OSTM1: variants seen among roughly 807,000 people sequenced by gnomAD.
OSTM1 encodes the protein osteopetrosis-associated transmembrane protein 1.
OSTM1 carries 26 observed loss-of-function variants against 35.4 expected under a neutral mutation model. The observed-to-expected ratio is 0.73, with a 90% CI of 0.54 to 1.02. The LOEUF (loss-of-function observed/expected upper bound fraction) is 1.02, where lower values mean the gene tolerates loss of function less well. OSTM1 is among the 50% of genes least tolerant of loss of function. OSTM1 has a pLI of 0.00. For missense variants in OSTM1, 366 were observed against 409.6 expected (o/e 0.89, Z 0.92); for synonymous variants, 181 against 165.0 (o/e 1.10, Z -0.75).
In OSTM1 at chr6:108,049,352, G is replaced by A. The variant is rs1235602665; in HGVS notation, c.850C>T (p.Pro284Ser). The A allele has an allele frequency of 1.2e-6, 2 of 1,612,096 alleles. No individual in the cohort carries two copies. Among genetic ancestry groups the A allele is most frequent in the Non-Finnish European group, 1.7e-6 (2 of 1,178,340 alleles). ...ATGAACACAGAAACAGCAATTACAG[G>A]CACTGTGTCACTGCAAGGGACTGAA... ...NCSVPCSDTV[P>S]VIAVSVFILF... The change falls in exon 5 of 6, where the codon CCT becomes TCT. Residue 284 changes from proline to serine, a missense_variant. Around this residue, in one of 3 missense-constraint regions of OSTM1, gnomAD observed 125 missense variants for 151.7 expected, o/e 0.82. Transcript: ENST00000193322.
At chr6:108,054,667 C>T (rs1398083165) in intron 2 of OSTM1, 80 bp from the exon 3 acceptor site, 2 of 685,654 alleles carry the variant, frequency 2.9e-6, no homozygotes, top group Non-Finnish European at 5.2e-6. Context: ...AAGCTATCAG[C>T]TTCGTTTCAC....
At chr6:108,071,005 G>A (rs1477724331) in intron 1 of OSTM1, among the ~76,000 whole-genome samples, 4 of 147,662 alleles carry the variant, frequency 2.7e-5, no homozygotes, top group African/African-American at 1.0e-4. Context: ...TGGCTAACAC[G>A]GTGAAACCCC....
At chr6:108,072,615 C>T (rs550643283) in intron 1 of OSTM1, among the ~76,000 whole-genome samples, 1 of 122,600 alleles carries the variant, frequency 8.2e-6, no homozygotes, top group African/African-American at 3.1e-5. Flanking sequence ...CCAGCCTGGG[C>T]AACAGAGCAA....
In OSTM1 at chr6:108,046,168, ATTTTTTTT is replaced by A. The variant is rs750495431; in HGVS notation, c.950-1336_950-1329del. ...AGGTGCCCACCACCACGCCCAGCTA[ATTTTTTTT>A]TTTTTTTTTTTTTTTTGGTATTTTT... is the stretch of plus-strand genomic sequence containing the variant. On this transcript the variant is annotated intron_variant, in intron 5 of 5. Coordinates refer to ENST00000193322, the MANE Select transcript of OSTM1 (RefSeq NM_014028.4). Among the ~76,000 whole-genome samples, 273 of 93,454 alleles carry A rather than the reference ATTTTTTTT, an allele frequency of 2.9e-3. 1 individual carries two copies. Among genetic ancestry groups the A allele is most frequent in the Non-Finnish European group, 4.3e-3 (227 of 52,218 alleles). The allele number at this position is 93,454 out of a possible 152,430, so 61.3% of individuals were successfully genotyped here.
intron 1 of OSTM1, 99 bp downstream of exon 1, chr6:108,074,149 TAC>T: frequency 8.5e-7 from 1 of 1,181,956 alleles, no homozygotes; most frequent in Admixed American, 2.0e-5. Context: ...CCCTTTTTCT[TAC>T]TGTTGGGGAA....
chr6:108,049,150 TA>T, intron 5 of OSTM1, 102 bp downstream of exon 5: 1 of 750,548 alleles, frequency 1.3e-6, no homozygotes, highest in Non-Finnish European at 2.3e-6. Flanking sequence ...CCTTTTAGGC[TA>T]ATCTACTTTG....
rs899181959 is a variant in OSTM1, at chr6:108,042,654, G to A, written c.*2131C>T. The A allele has an allele frequency of 6.6e-6, 1 of 151,934 alleles. No homozygotes were observed. The highest frequency in any genetic ancestry group is 2.4e-5 in the African/African-American group (1 of 41,364). The allele number at this position is 151,934 out of a possible 1,614,324, so 9.4% of individuals were successfully genotyped here. ...TGGTCTCGAACTCATAAGCTCCAGC[G>A]ATCTGCTTCAGCCTCCCAAAGTGCT... is the stretch of plus-strand genomic sequence containing the variant. On this transcript the variant is annotated 3_prime_UTR_variant, in exon 6 of 6. Transcript: ENST00000193322.
In OSTM1 at chr6:108,041,444, TAAAG is replaced by T. The variant is rs1467310185; in HGVS notation, c.*3337_*3340del. ...AAAGCCCTCTTTAATTCCAAGGAGA[TAAAG>T]AAAGTTATTTGTCATTAAACATGTT... On this transcript the variant is annotated 3_prime_UTR_variant, in exon 6 of 6. Coordinates refer to ENST00000193322, the MANE Select transcript of OSTM1 (RefSeq NM_014028.4). 8.5e-5 allele frequency: 13 copies of T among 152,312 alleles called. No homozygotes were observed. Among genetic ancestry groups the T allele is most frequent in the African/African-American group, 2.4e-4 (10 of 41,570 alleles). 9.4% of individuals were successfully genotyped at this position (152,312 alleles called of 1,614,324 possible). A position where few individuals can be genotyped will look rare whatever the true frequency, so the allele number is the denominator to read the frequency against.
intron 2 of OSTM1, among the ~76,000 whole-genome samples, chr6:108,063,232 C>T (rs959835724): frequency 6.6e-6 from 1 of 152,080 alleles, no homozygotes; most frequent in African/African-American, 2.4e-5. Context: ...GTTCCCCAGG[C>T]TGGTCTCAAA....
intron 2 of OSTM1, among the ~76,000 whole-genome samples, chr6:108,059,213 C>T (rs1032140156): frequency 1.3e-5 from 2 of 152,202 alleles, no homozygotes; most frequent in African/African-American, 4.8e-5. Context: ...ACAAGGCTAT[C>T]CCTATGTCAA....
intron 2 of OSTM1, among the ~76,000 whole-genome samples, chr6:108,058,165 A>G (rs1448758924): frequency 6.6e-6 from 1 of 151,054 alleles, no homozygotes; most frequent in Non-Finnish European, 1.5e-5. Flanking sequence ...AGGCATTCTT[A>G]AAGGTATTAA....
rs1211539994 is a variant in OSTM1, at chr6:108,064,203, G to A, written c.499C>T (p.Gln167Ter). Residue 167 changes from glutamine to a stop codon, truncating the protein, a stop_gained, in exon 2 of 6, where the codon CAG becomes TAG. Transcript: ENST00000193322. LOFTEE classifies it high-confidence loss of function. ...TACTTACTTGCACAATTTGCCTCCTGCCATGTGGTATTAAAAAATTCTGAG... is the reference window on the plus strand; with the variant it reads ...TACTTACTTGCACAATTTGCCTCCTACCATGTGGTATTAAAAAATTCTGAG... ...ILSEFFNTTW[Q>*]EANCANCLTN... is the part of the protein sequence containing the mutation. 1 of 1,573,694 alleles carries A rather than the reference G, an allele frequency of 6.4e-7. No homozygotes were observed. The highest frequency in any genetic ancestry group is 8.7e-7 in the Non-Finnish European group (1 of 1,145,124).
intron 5 of OSTM1, among the ~76,000 whole-genome samples, chr6:108,045,374 C>T (rs1431185021): frequency 6.6e-6 from 1 of 151,300 alleles, no homozygotes; most frequent in Non-Finnish European, 1.5e-5. Context: ...CATCATGCCA[C>T]TAATTTATCA....
In OSTM1 at chr6:108,065,022, C is replaced by G. The variant is rs6931129; in HGVS notation, c.403-723G>C. Among the ~76,000 whole-genome samples, 1,520 of 152,158 alleles carry G rather than the reference C, an allele frequency of 1.0e-2. 25 individuals carry two copies. Among genetic ancestry groups the G allele is most frequent in the African/African-American group, 0.035 (1,453 of 41,494 alleles). On this transcript the variant is annotated intron_variant, in intron 1 of 5. Coordinates refer to ENST00000193322, the MANE Select transcript of OSTM1 (RefSeq NM_014028.4). Reference sequence around the variant, plus strand: ...TACAGGCACATGCCACCACACCCAGCTAATTTTTGTGTTTGTAGTAGAGAC... The same window carrying G: ...TACAGGCACATGCCACCACACCCAGGTAATTTTTGTGTTTGTAGTAGAGAC...
chr6:108,041,579 A>G lies in OSTM1; in HGVS notation c.*3206T>C, dbSNP rs1771869711. 1 of 152,220 alleles carries G rather than the reference A, an allele frequency of 6.6e-6. No homozygotes were observed. The highest frequency in any genetic ancestry group is 2.4e-5 in the African/African-American group (1 of 41,458). 9.4% of individuals were successfully genotyped at this position (152,220 alleles called of 1,614,324 possible). A position where few individuals can be genotyped will look rare whatever the true frequency, so the allele number is the denominator to read the frequency against. On this transcript the variant is annotated 3_prime_UTR_variant, in exon 6 of 6. Coordinates refer to ENST00000193322, the MANE Select transcript of OSTM1 (RefSeq NM_014028.4). Reference sequence around the variant, plus strand: ...TACATGTATAATTCAGCATAAGCCAAAGCCTTTTTAAAATAACCAATACTA... The same window carrying G: ...TACATGTATAATTCAGCATAAGCCAGAGCCTTTTTAAAATAACCAATACTA...
At chr6:108,054,247 C>T (rs1482196247) in intron 3 of OSTM1, among the ~76,000 whole-genome samples, 1 of 152,172 alleles carries the variant, frequency 6.6e-6, no homozygotes, top group Non-Finnish European at 1.5e-5. Context: ...TCACCAGATT[C>T]TCATTACAAA....
At chr6:108,050,278 T>C (rs886611419) in intron 4 of OSTM1, among the ~76,000 whole-genome samples, 2 of 150,476 alleles carry the variant, frequency 1.3e-5, no homozygotes, top group South Asian at 4.2e-4. Context: ...CAGATGGTAA[T>C]AGATATAAGA....
chr6:108,054,510 A>G lies in OSTM1; in HGVS notation c.595T>C (p.Cys199Arg). ...FLNLFNHTLT[C>R]FEHNLQGNAH... ...AATACCTGAAGGTTATGTTCAAAGCAGGTCAGGGTGTGATTAAATAGATTA... is the reference window on the plus strand; with the variant it reads ...AATACCTGAAGGTTATGTTCAAAGCGGGTCAGGGTGTGATTAAATAGATTA... The change falls in exon 3 of 6, where the codon TGC (cysteine) becomes CGC (arginine). Residue 199 changes from cysteine (C) to arginine (R), a missense_variant. Cys to Arg is a radical substitution (Grantham distance 180). This residue lies in a region of OSTM1 where 5 missense variants were observed against 18.5 expected (regional missense o/e 0.27). Coordinates refer to ENST00000193322, the MANE Select transcript of OSTM1 (RefSeq NM_014028.4). 2 of 1,510,610 alleles carry G rather than the reference A, an allele frequency of 1.3e-6. No homozygotes were observed. Among genetic ancestry groups the G allele is most frequent in the South Asian group, 1.1e-5 (1 of 87,066 alleles). The allele number at this position is 1,510,610 out of a possible 1,614,324, so 93.6% of individuals were successfully genotyped here.
At chr6:108,057,596 C>G (rs1263278849) in intron 2 of OSTM1, among the ~76,000 whole-genome samples, 1 of 152,050 alleles carries the variant, frequency 6.6e-6, no homozygotes, top group Non-Finnish European at 1.5e-5. Flanking sequence ...TTTGCAAAAG[C>G]AATTTATAAA....
Sources: gnomAD v4.1 joint callset for allele counts (sites outside exome capture counted in the v4.1 genomes callset) on GRCh38, gnomAD v4.1.1 for gene constraint, gnomAD v4.1.1 regional missense constraint, MANE v1.5 for transcripts, NCBI Gene and HGNC (gene_info 2026-07-23, HGNC 2026-07-21) for gene names.